Variants in MUC5AC observed in about 807,000 individuals in gnomAD.
The protein encoded by MUC5AC is mucin-5AC.
MUC5AC carries 158 observed loss-of-function variants against 169.7 expected under a neutral mutation model. That is an observed-to-expected ratio of 0.93 (90% confidence interval 0.82 to 1.06). The LOEUF (loss-of-function observed/expected upper bound fraction) is 1.06. MUC5AC is among the 50% of genes least tolerant of loss of function. The pLI, the probability that MUC5AC is intolerant of heterozygous loss-of-function variation, is 0.00. For synonymous variants in MUC5AC, 1,975 were observed against 1,237.0 expected, an observed-to-expected ratio of 1.60 and a Z score of -12.52; for missense variants, 4,359 against 3,089.9, an observed-to-expected ratio of 1.41 and a Z score of -9.74.
Position 1,162,317 on chromosome 11 carries a change from C to T in MUC5AC, c.473+149C>T, listed in dbSNP as rs1277324876. On this transcript the variant is annotated intron_variant, in intron 4 of 48. Transcript: ENST00000621226. ...TGGACATGGGCCCTCCCTCGTCCCC[C>T]GAGTGGCCCACCTGCCCCTCCTGGG... 2.9e-5 allele frequency: 39 copies of T among 1,326,162 alleles called. 1 individual carries two copies. Among genetic ancestry groups the T allele is most frequent in the South Asian group, 7.5e-5 (5 of 66,338 alleles). 82.1% of individuals were successfully genotyped at this position (1,326,162 alleles called of 1,614,324 possible). A position where few individuals can be genotyped will look rare whatever the true frequency, so the allele number is the denominator to read the frequency against.
chr11:1,165,770 G>T lies in MUC5AC; in HGVS notation c.1386+10G>T. On this transcript the variant is annotated intron_variant, in intron 11 of 48. Coordinates refer to ENST00000621226, the MANE Select transcript of MUC5AC (RefSeq NM_001304359.2). ...CTATGTGCTGACCAAGGTACGGCCT[G>T]GCTGCCTGGGGTGCTCGCCGGACAG... 1 of 1,611,334 alleles carries T rather than the reference G, an allele frequency of 6.2e-7. No individual in the cohort carries two copies. Among genetic ancestry groups the T allele is most frequent in the Non-Finnish European group, 8.5e-7 (1 of 1,179,578 alleles).
At chr11:1,195,653 G>A (rs1861252036) in intron 36 of MUC5AC, among the ~76,000 whole-genome samples, 2 of 152,080 alleles carry the variant, frequency 1.3e-5, no homozygotes, top group African/African-American at 2.4e-5. Flanking sequence ...AGAAGAACTT[G>A]CAGAAATAAA....
chr11:1,182,825 C>T lies in MUC5AC; in HGVS notation c.4680C>T (p.Thr1560=), dbSNP rs1860845893. The stretch of plus-strand genomic sequence containing the variant: ...CCATGTCGACCACGGCCCCGGGGAC[C>T]TCTGTGGTCTCCAGCAAGCCCACCC... The part of the protein sequence containing the change: ...TSSMSTTAPG[T]SVVSSKPTPT... Residue 1560 remains threonine (T), a synonymous_variant, in exon 31 of 49, where the codon ACC becomes ACT. Transcript: ENST00000621226. The T allele has an allele frequency of 1.0e-5, 4 of 398,380 alleles. No individual in the cohort carries two copies. Among genetic ancestry groups the T allele is most frequent in the Non-Finnish European group, 1.8e-5 (4 of 226,000 alleles). 24.7% of individuals were successfully genotyped at this position (398,380 alleles called of 1,614,324 possible).
At chr11:1,158,347 G>A (rs775578938) in intron 1 of MUC5AC, among the ~76,000 whole-genome samples, 5 of 152,196 alleles carry the variant, frequency 3.3e-5, no homozygotes, top group African/African-American at 4.8e-5. Flanking sequence ...CTCCCGGCCC[G>A]GATCCCTGCA....
chr11:1,198,546 C>G (rs1295226434), intron 43 of MUC5AC, among the ~76,000 whole-genome samples: 1 of 152,110 alleles, frequency 6.6e-6, no homozygotes, highest in Non-Finnish European at 1.5e-5. Flanking sequence ...CTTTGCCTCT[C>G]CTGGCACCAC....
Position 1,190,433 on chromosome 11 carries a change from C to T in MUC5AC, c.12288C>T (p.Ser4096=), listed in dbSNP as rs1861058081. 8.9e-6 allele frequency: 6 copies of T among 677,838 alleles called. No individual in the cohort carries two copies. Among genetic ancestry groups the T allele is most frequent in the African/African-American group, 8.8e-5 (5 of 56,696 alleles). The allele number at this position is 677,838 out of a possible 1,614,324, so 42.0% of individuals were successfully genotyped here. The change falls in exon 31 of 49, where the codon AGC becomes AGT. Residue 4096 remains serine (S), a synonymous_variant. Transcript: ENST00000621226. ...KSRTTTLVTT[S]TTSTPQTSTT... ...GGACAACCACTTTGGTGACAACCAG[C>T]ACAACCTCCACTCCACAGACCAGCA...
chr11:1,164,560 C>T (rs760421327), intron 9 of MUC5AC, 28 bp downstream of exon 9: 1 of 1,586,054 alleles, frequency 6.3e-7, no homozygotes, highest in Admixed American at 1.8e-5. Flanking sequence ...CTGGGAAACA[C>T]AGGTGCACCC....
In MUC5AC at chr11:1,189,715, CT is replaced by C. The variant is rs1861042344; in HGVS notation, c.11571del (p.Ala3858ProfsTer153). ...TTSTPQTSISSAPTSSTTSAP... is the reference protein window; with the variant it reads ...TTSTPQTSISXAPTSSTTSAP... ...TCCACTCCACAGACCAGCATATCCTCTGCCCCTACAAGCAGCACAACCTCTG... is the reference window on the plus strand; with the variant it reads ...TCCACTCCACAGACCAGCATATCCTCGCCCCTACAAGCAGCACAACCTCTG... On this transcript the variant is annotated frameshift_variant, in exon 31 of 49. Coordinates refer to ENST00000621226, the MANE Select transcript of MUC5AC (RefSeq NM_001304359.2). LOFTEE classifies it high-confidence loss of function. 1.6e-6 allele frequency: 1 copy of C among 641,748 alleles called. No homozygotes were observed. The highest frequency in any genetic ancestry group is 1.8e-5 in the African/African-American group (1 of 55,664). The allele number at this position is 641,748 out of a possible 1,614,324, so 39.8% of individuals were successfully genotyped here.
In MUC5AC at chr11:1,163,053, C is replaced by T. The variant is rs756683965; in HGVS notation, c.679+8C>T. On this transcript the variant is annotated splice_region_variant and intron_variant, in intron 6 of 48. Transcript: ENST00000621226. ...GCGAGCTCCTCTCCCACAGTAAGGC[C>T]CCACATCGCCCTCAGCCCCTTCCTC... is the stretch of plus-strand genomic sequence containing the variant. 1.2e-6 allele frequency: 2 copies of T among 1,610,928 alleles called. No individual in the cohort carries two copies. The highest frequency in any genetic ancestry group is 1.7e-5 in the Admixed American group (1 of 60,020).
intron 42 of MUC5AC, 130 bp downstream of exon 42, chr11:1,198,134 G>C (rs544807860): frequency 1.3e-5 from 9 of 677,322 alleles, no homozygotes; most frequent in Non-Finnish European, 2.4e-5. Context: ...TGAGCCTTCC[G>C]CAGAGATGAG....
rs758815517 is a variant in MUC5AC at position 1,164,393 on chromosome 11, T to C, written c.1004-14T>C. The C allele has an allele frequency of 1.2e-6, 2 of 1,612,108 alleles. No individual in the cohort carries two copies. Among genetic ancestry groups the C allele is most frequent in the South Asian group, 2.2e-5 (2 of 91,012 alleles). On this transcript the variant is annotated splice_polypyrimidine_tract_variant and intron_variant, in intron 8 of 48. Transcript: ENST00000621226. ...GGGGCAGGCAGACGTGAGCCCTCTC[T>C]CTGCCTCCCGCAGCCCAGAAGTGCC...
At chr11:1,170,980 C>CATT (rs1860500683) in intron 15 of MUC5AC, among the ~76,000 whole-genome samples, 1 of 121,070 alleles carries the variant, frequency 8.3e-6, no homozygotes, top group Non-Finnish European at 1.7e-5. Flanking sequence ...CCCATTCACC[C>CATT]CACTCACCTA....
intron 3 of MUC5AC, 54 bp downstream of exon 3, chr11:1,161,640 C>A (rs905746229): frequency 3.0e-5 from 46 of 1,554,940 alleles, no homozygotes; most frequent in Middle Eastern, 3.4e-4. Context: ...TGCTGAGCTC[C>A]CCGCTCAGGC....
At chr11:1,196,318 G>A in intron 37 of MUC5AC, 70 bp from the exon 38 acceptor site, 1 of 748,102 alleles carries the variant, frequency 1.3e-6, no homozygotes, top group Non-Finnish European at 2.5e-6. Context: ...AGATGTTGGT[G>A]CCCAGCGGCC....
At chr11:1,175,297 G>A in intron 19 of MUC5AC, 27 bp downstream of exon 19, 1 of 398,628 alleles carries the variant, frequency 2.5e-6, no homozygotes, top group Non-Finnish European at 4.4e-6. Context: ...AGGCACTGTG[G>A]CCCCCAGCCT....
At position 1,186,550 on chromosome 11, in the gene MUC5AC, C is replaced by G. The variant is rs1485533699; in HGVS notation, c.8405C>G (p.Thr2802Ser). The change falls in exon 31 of 49, where the codon ACC (threonine) becomes AGC (serine). Residue 2802 changes from threonine to serine, a missense_variant. Thr to Ser is a moderately conservative substitution (Grantham distance 58). Transcript: ENST00000621226. ...PTTSTTSTTI[T>S]STTSAPISST... The stretch of plus-strand genomic sequence containing the variant: ...ACCAGCACAACCTCTACTACTATAA[C>G]CAGCACAACTTCTGCCCCTATAAGC... 1 of 701,742 alleles carries G rather than the reference C, an allele frequency of 1.4e-6. No individual in the cohort carries two copies. The highest frequency in any genetic ancestry group is 2.7e-5 in the East Asian group (1 of 37,322). 43.5% of individuals were successfully genotyped at this position (701,742 alleles called of 1,614,324 possible).
rs1860944459 is a variant in MUC5AC, at chr11:1,186,310, C to G, written c.8165C>G (p.Thr2722Ser). 6.9e-6 allele frequency: 5 copies of G among 725,366 alleles called. No homozygotes were observed. Among genetic ancestry groups the G allele is most frequent in the African/African-American group, 1.7e-5 (1 of 57,694 alleles). 44.9% of individuals were successfully genotyped at this position (725,366 alleles called of 1,614,324 possible). A position where few individuals can be genotyped will look rare whatever the true frequency, so the allele number is the denominator to read the frequency against. Residue 2722 changes from threonine to serine, a missense_variant, in exon 31 of 49, where the codon ACC (threonine) becomes AGC (serine). Transcript: ENST00000621226. Reference protein sequence around the residue: ...PTTSTTSAPTTSTISAPTTST... With the variant: ...PTTSTTSAPTSSTISAPTTST... ...ACAAGCACAACCTCTGCCCCTACAA[C>G]CAGCACAATCTCGGCCCCAACAACC...
In MUC5AC at chr11:1,197,932, G is replaced by C. The variant is rs369438228; in HGVS notation, c.16063G>C (p.Val5355Leu). Residue 5355 changes from valine to leucine, a missense_variant, in exon 42 of 49, where the codon GTG becomes CTG. By Grantham distance (32) the Val-to-Leu change is conservative. Transcript: ENST00000621226. ...ACNTSRCPAP[V>L]GCPEGARAIP... ...CAACACCAGCCGCTGCCCCGCGCCC[G>C]TGGGCTGTCCTGAGGGCGCCCGCGC... The C allele has an allele frequency of 5.4e-6, 4 of 734,864 alleles. No individual in the cohort carries two copies. The highest frequency in any genetic ancestry group is 2.5e-5 in the East Asian group (1 of 39,842). 45.5% of individuals were successfully genotyped at this position (734,864 alleles called of 1,614,324 possible). A position where few individuals can be genotyped will look rare whatever the true frequency, so the allele number is the denominator to read the frequency against.
intron 11 of MUC5AC, 127 bp from the exon 12 acceptor site, chr11:1,167,750 C>T (rs912292854): frequency 7.0e-5 from 55 of 785,322 alleles, no homozygotes; most frequent in African/African-American, 6.3e-4. Context: ...ACCTCCCTCT[C>T]GGGGACTGGG....
Sources: allele counts gnomAD v4.1 joint callset (sites outside exome capture counted in the v4.1 genomes callset), GRCh38; gene constraint gnomAD v4.1.1; transcripts MANE v1.5; gene names NCBI Gene and HGNC (gene_info 2026-07-23, HGNC 2026-07-21).